Variants in OSBPL3 observed in about 807,000 individuals in gnomAD.
OSBPL3 encodes oxysterol binding protein like 3, also known as oxysterol-binding protein-related protein 3.
In OSBPL3, 65 loss-of-function variants were observed where a neutral mutation model predicts 120.1. The observed-to-expected ratio is 0.54, with a 90% CI of 0.44 to 0.67. The LOEUF is 0.67. Ranked by LOEUF, OSBPL3 falls within the 30% of genes least tolerant of loss-of-function variation. The probability of loss-of-function intolerance (pLI) is 0.00; values close to 1 mark genes in which losing one functional copy is unlikely to be tolerated. For synonymous variants in OSBPL3, 416 were observed against 402.6 expected, an observed-to-expected ratio of 1.03 and a Z score of -0.40; for missense variants, 1,004 against 1,082.1, an observed-to-expected ratio of 0.93 and a Z score of 1.01.
Position 24,802,783 on chromosome 7 carries a change from C to G in OSBPL3, c.2567+1532G>C, listed in dbSNP as rs1318682939. Among the ~76,000 whole-genome samples, 1 of 152,062 alleles carries G rather than the reference C, an allele frequency of 6.6e-6. No homozygotes were observed. The highest frequency in any genetic ancestry group is 2.1e-4 in the South Asian group (1 of 4,822). On this transcript the variant is annotated intron_variant, in intron 22 of 22. Coordinates refer to ENST00000313367, the MANE Select transcript of OSBPL3 (RefSeq NM_015550.4). The surrounding 1 kb of genome is among the most constrained non-coding windows in gnomAD (Gnocchi z 4.1). Reference sequence around the variant, plus strand: ...AGACAATGTATGGAAGAAAAAGAACCAACCTACTTAAGGGTGTAATGTGTT... The same window carrying G: ...AGACAATGTATGGAAGAAAAAGAACGAACCTACTTAAGGGTGTAATGTGTT...
rs1197471201 is a variant in OSBPL3, at chr7:24,852,664, A to T, written c.1028-30T>A. 1 of 1,435,904 alleles carries T rather than the reference A, an allele frequency of 7.0e-7. No homozygotes were observed. Among genetic ancestry groups the T allele is most frequent in the Non-Finnish European group, 9.4e-7 (1 of 1,066,344 alleles). 88.9% of individuals were successfully genotyped at this position (1,435,904 alleles called of 1,614,324 possible). On this transcript the variant is annotated intron_variant, in intron 10 of 22. Transcript: ENST00000313367. This position sits in a 1 kb window ranked among gnomAD's most constrained non-coding sequence, Gnocchi z 4.1. ...AGAGATAGAATCATTATAAAAAGGAATAAGGAGGCATAATTAAAAACAAAA... is the reference window on the plus strand; with the variant it reads ...AGAGATAGAATCATTATAAAAAGGATTAAGGAGGCATAATTAAAAACAAAA...
chr7:24,845,384 T>TAAAAAAAAAAAAAAAAAAAAAAAA (rs34559902), intron 12 of OSBPL3, among the ~76,000 whole-genome samples: 4 of 62,264 alleles, frequency 6.4e-5, no homozygotes, highest in Non-Finnish European at 8.3e-5. Context: ...GCAAAATAAG[T>TAAAAAAAAAAAAAAAAAAAAAAAA]AAAAAAAAAA....
intron 5 of OSBPL3, among the ~76,000 whole-genome samples, chr7:24,869,757 C>T (rs1291418711): frequency 6.6e-6 from 1 of 152,188 alleles, no homozygotes; most frequent in Non-Finnish European, 1.5e-5. Flanking sequence ...GACTGTCTTG[C>T]CCATTCAACA....
chr7:24,916,935 T>C lies in OSBPL3; in HGVS notation c.-149-24314A>G, dbSNP rs549519268. ...CCATTTCCACCCCCCCCAACCTTTT[T>C]AGAAAATTAAATAAATAACTCCTAT... On this transcript the variant is annotated intron_variant, in intron 1 of 22. Coordinates refer to ENST00000313367, the MANE Select transcript of OSBPL3 (RefSeq NM_015550.4). This position sits in a 1 kb window ranked among gnomAD's most constrained non-coding sequence, Gnocchi z 4.9. Among the ~76,000 whole-genome samples the C allele has an allele frequency of 4.9e-4, 74 of 150,468 alleles. 1 individual carries two copies. Among genetic ancestry groups the C allele is most frequent in the Middle Eastern group, 6.8e-3 (2 of 292 alleles).
At position 24,885,698 on chromosome 7, in the gene OSBPL3, T is replaced by C. The variant is rs147597193; in HGVS notation, c.96+6679A>G. ...GAGGCTGTGCTCTCTTTACCACTCATACTCTTTCCAATCAGAGTTGATTTC... is the reference window on the plus strand; with the variant it reads ...GAGGCTGTGCTCTCTTTACCACTCACACTCTTTCCAATCAGAGTTGATTTC... On this transcript the variant is annotated intron_variant, in intron 2 of 22. Coordinates refer to ENST00000313367, the MANE Select transcript of OSBPL3 (RefSeq NM_015550.4). 4.9e-3 allele frequency among the ~76,000 whole-genome samples: 752 copies of C among 152,350 alleles called. 7 individuals are homozygous for C. The highest frequency in any genetic ancestry group is 0.017 in the African/African-American group (717 of 41,584).
chr7:24,908,938 C>T lies in OSBPL3; in HGVS notation c.-149-16317G>A, dbSNP rs543818462. ...AAGAGCCTGCTCCACAAACCAAACT[C>T]GGCTTATCAACACTATCTGTGCTGT... On this transcript the variant is annotated intron_variant, in intron 1 of 22. Transcript: ENST00000313367. 6.2e-4 allele frequency among the ~76,000 whole-genome samples: 94 copies of T among 152,304 alleles called. 2 individuals are homozygous for T. The South Asian group carries it at 0.019, about 31-fold the overall frequency.
Position 24,896,625 on chromosome 7 carries a change from C to T in OSBPL3, c.-149-4004G>A, listed in dbSNP as rs941104754. 6.6e-6 allele frequency among the ~76,000 whole-genome samples: 1 copy of T among 152,230 alleles called. No individual in the cohort carries two copies. The highest frequency in any genetic ancestry group is 6.5e-5 in the Admixed American group (1 of 15,292). ...GGGAAAAGATGTAAAGGTGACATCA[C>T]ATACTATATATGTGTGCTGGAAGGA... On this transcript the variant is annotated intron_variant, in intron 1 of 22. Transcript: ENST00000313367. The surrounding 1 kb of genome is among the most constrained non-coding windows in gnomAD (Gnocchi z 4.4).
At chr7:24,812,959 G>GTC (rs1794023006) in intron 19 of OSBPL3, among the ~76,000 whole-genome samples, 1 of 152,204 alleles carries the variant, frequency 6.6e-6, no homozygotes, top group South Asian at 2.1e-4. Flanking sequence ...GCTCACTGCA[G>GTC]TCTCAAATTT....
chr7:24,897,614 C>A (rs182676826), intron 1 of OSBPL3, among the ~76,000 whole-genome samples: 336 of 152,282 alleles, frequency 2.2e-3, no homozygotes, highest in African/African-American at 7.8e-3. Context: ...CGTGAGCCAC[C>A]GCGCCCGGCC....
chr7:24,909,397 T>C (rs1235489572), intron 1 of OSBPL3, among the ~76,000 whole-genome samples: 1 of 152,196 alleles, frequency 6.6e-6, no homozygotes, highest in Non-Finnish European at 1.5e-5. Context: ...TTCCCTGCCC[T>C]TTCCCCATTC....
At chr7:24,828,385 C>T (rs1487368017) in intron 16 of OSBPL3, among the ~76,000 whole-genome samples, 8 of 151,998 alleles carry the variant, frequency 5.3e-5, no homozygotes, top group African/African-American at 1.7e-4. Context: ...CCAAGGCGGG[C>T]GGATCCCATG....
At chr7:24,814,969 G>T in intron 19 of OSBPL3, 90 bp downstream of exon 19, 1 of 1,281,700 alleles carries the variant, frequency 7.8e-7, no homozygotes, top group Non-Finnish European at 1.1e-6. Context: ...AAAGGTGAAG[G>T]CGAAAAATCT....
At chr7:24,921,459 C>T (rs1810372091) in intron 1 of OSBPL3, among the ~76,000 whole-genome samples, 1 of 152,168 alleles carries the variant, frequency 6.6e-6, no homozygotes, top group African/African-American at 2.4e-5. Context: ...ACTCAAAACA[C>T]ATTTTTTCAT....
chr7:24,968,988 T>C lies in OSBPL3; in HGVS notation c.-150+10898A>G, dbSNP rs1242804669. 6.6e-6 allele frequency among the ~76,000 whole-genome samples: 1 copy of C among 152,216 alleles called. No individual in the cohort carries two copies. The highest frequency in any genetic ancestry group is 1.5e-5 in the Non-Finnish European group (1 of 68,034). ...TTTTGCATATATATCATTTTGTGAATTTTGCATATCTGTAGGATAAAGTTC... is the reference window on the plus strand; with the variant it reads ...TTTTGCATATATATCATTTTGTGAACTTTGCATATCTGTAGGATAAAGTTC... On this transcript the variant is annotated intron_variant, in intron 1 of 22. Transcript: ENST00000313367. The surrounding 1 kb of genome is among the most constrained non-coding windows in gnomAD (Gnocchi z 4.6).
chr7:24,848,932 G>T, intron 12 of OSBPL3, 137 bp downstream of exon 12: 1 of 625,576 alleles, frequency 1.6e-6, no homozygotes, highest in East Asian at 2.8e-5. Flanking sequence ...CCTAGCTGTG[G>T]CCAGCACCCA....
chr7:24,951,092 AAAAG>A (rs1365475964), intron 1 of OSBPL3, among the ~76,000 whole-genome samples: 2 of 152,208 alleles, frequency 1.3e-5, no homozygotes, highest in Admixed American at 6.5e-5. Context: ...AGCCCCAACA[AAAAG>A]AAAGAATCTC....
intron 10 of OSBPL3, among the ~76,000 whole-genome samples, chr7:24,858,834 G>C (rs1408944226): frequency 6.6e-6 from 1 of 152,208 alleles, no homozygotes; most frequent in Non-Finnish European, 1.5e-5. Flanking sequence ...TGAGGAGGCA[G>C]CTTCTTCAAT....
intron 1 of OSBPL3, among the ~76,000 whole-genome samples, chr7:24,906,848 C>A (rs1228624746): frequency 6.6e-6 from 1 of 152,134 alleles, no homozygotes; most frequent in Non-Finnish European, 1.5e-5. Context: ...ATCATCTTTA[C>A]AGGCCCCTTA....
rs1030466834 is a variant in OSBPL3 at position 24,891,253 on chromosome 7, C to T, written c.96+1124G>A. On this transcript the variant is annotated intron_variant, in intron 2 of 22. Transcript: ENST00000313367. This position sits in a 1 kb window ranked among gnomAD's most constrained non-coding sequence, Gnocchi z 4.1. The stretch of plus-strand genomic sequence containing the variant: ...ATTCCAGAAGGAACCGATGACAGTG[C>T]TGACAAAATTCTCCTTAACCCCTCA... Among the ~76,000 whole-genome samples the T allele has an allele frequency of 1.3e-5, 2 of 151,578 alleles. No individual in the cohort carries two copies. The highest frequency in any genetic ancestry group is 2.4e-5 in the African/African-American group (1 of 41,168).
Sources: allele counts gnomAD v4.1 joint callset (sites outside exome capture counted in the v4.1 genomes callset), GRCh38; gene constraint gnomAD v4.1.1; non-coding constraint Gnocchi (gnomAD v3.1); transcripts MANE v1.5; gene names NCBI Gene and HGNC (gene_info 2026-07-23, HGNC 2026-07-21).